Variants in CDK14 observed in about 807,000 individuals in gnomAD.
CDK14 encodes the protein cyclin-dependent kinase 14.
CDK14 carries 34 observed loss-of-function variants against 60.7 expected under a neutral mutation model. The ratio of observed to expected loss-of-function variants is 0.56; its 90% CI spans 0.43 to 0.75. The LOEUF (loss-of-function observed/expected upper bound fraction) is 0.75, where lower values mean the gene tolerates loss of function less well. Among genes scored for constraint, CDK14 ranks in the 30% least tolerant of loss-of-function variants. The pLI is 0.00. For synonymous variants in CDK14, 197 were observed against 203.7 expected (o/e 0.97, Z 0.28); for missense variants, 482 against 564.1 (o/e 0.85, Z 1.47).
chr7:91,131,695 C>T (rs1347847617), intron 14 of CDK14, among the ~76,000 whole-genome samples: 1 of 151,998 alleles, frequency 6.6e-6, no homozygotes, highest in Non-Finnish European at 1.5e-5. Flanking sequence ...CATCTGACAG[C>T]GTGTGGAATA....
intron 4 of CDK14, among the ~76,000 whole-genome samples, chr7:90,781,133 T>C (rs1805300072): frequency 6.6e-6 from 1 of 152,142 alleles, no homozygotes; most frequent in Non-Finnish European, 1.5e-5. Flanking sequence ...TGGTTTTGAT[T>C]TGTGGTTTTG....
intron 8 of CDK14, among the ~76,000 whole-genome samples, chr7:90,942,303 C>T (rs553386916): frequency 3.2e-4 from 49 of 152,260 alleles, no homozygotes; most frequent in African/African-American, 1.2e-3. Context: ...TGGGAAGTCT[C>T]ATCTTAGATC....
At chr7:90,811,717 A>C (rs1384250374) in intron 5 of CDK14, among the ~76,000 whole-genome samples, 4 of 152,010 alleles carry the variant, frequency 2.6e-5, no homozygotes, top group Non-Finnish European at 5.9e-5. Flanking sequence ...CAATCTACTC[A>C]TCTGACAAAG....
chr7:90,989,061 G>A (rs902878082), intron 10 of CDK14, among the ~76,000 whole-genome samples: 2 of 151,272 alleles, frequency 1.3e-5, no homozygotes, highest in Non-Finnish European at 2.9e-5. Context: ...AGCTACTATA[G>A]TACTCAGTCT....
chr7:90,715,657 CTTTT>C (rs34981055), intron 2 of CDK14, among the ~76,000 whole-genome samples: 15 of 124,964 alleles, frequency 1.2e-4, no homozygotes, highest in African/African-American at 3.2e-4. Flanking sequence ...AGGAATAGAC[CTTTT>C]TTTTTTTTTT....
intron 14 of CDK14, among the ~76,000 whole-genome samples, chr7:91,161,760 G>A (rs1433680221): frequency 6.6e-6 from 1 of 152,098 alleles, no homozygotes; most frequent in African/African-American, 2.4e-5. Context: ...AAAATAAATA[G>A]TTAAACTGAA....
chr7:90,932,204 T>C (rs1793614843), intron 8 of CDK14, among the ~76,000 whole-genome samples: 1 of 152,110 alleles, frequency 6.6e-6, no homozygotes. Flanking sequence ...GAAAAGTCAT[T>C]TCTGAAACTG....
At chr7:90,866,848 G>A (rs931879132) in intron 6 of CDK14, among the ~76,000 whole-genome samples, 1 of 152,082 alleles carries the variant, frequency 6.6e-6, no homozygotes, top group African/African-American at 2.4e-5. Flanking sequence ...GTGGTTTAGC[G>A]GCTAATAGGA....
intron 2 of CDK14, among the ~76,000 whole-genome samples, chr7:90,605,618 C>G (rs1799401603): frequency 6.6e-6 from 1 of 151,840 alleles, no homozygotes; most frequent in Non-Finnish European, 1.5e-5. Context: ...GAAAGTTTCC[C>G]CTCTAATTAT....
intron 7 of CDK14, among the ~76,000 whole-genome samples, chr7:90,910,082 T>C (rs1792842623): frequency 6.6e-6 from 1 of 152,210 alleles, no homozygotes; most frequent in Non-Finnish European, 1.5e-5. Flanking sequence ...ACCATCCCAG[T>C]AGCACACTTA....
chr7:90,941,626 T>A (rs576881685), intron 8 of CDK14, among the ~76,000 whole-genome samples: 136 of 146,324 alleles, frequency 9.3e-4, no homozygotes, highest in South Asian at 1.6e-3. Context: ...TTTTTTTTTT[T>A]AATTTTTTGT....
At chr7:90,869,948 G>C (rs1791311756) in intron 6 of CDK14, among the ~76,000 whole-genome samples, 1 of 152,208 alleles carries the variant, frequency 6.6e-6, no homozygotes, top group Non-Finnish European at 1.5e-5. Flanking sequence ...TCTTTGGACT[G>C]TTAGCTCGTA....
chr7:90,973,492 A>G (rs918994000), intron 9 of CDK14, among the ~76,000 whole-genome samples: 1 of 152,190 alleles, frequency 6.6e-6, no homozygotes, highest in South Asian at 2.1e-4. Context: ...CATTGCAACC[A>G]TATTTTAAAA....
At chr7:91,094,092 G>A (rs1255333190) in intron 12 of CDK14, among the ~76,000 whole-genome samples, 2 of 151,986 alleles carry the variant, frequency 1.3e-5, no homozygotes, top group African/African-American at 4.8e-5. Flanking sequence ...CCTGGGTAAT[G>A]GGATCATTCG....
chr7:90,814,754 C>T (rs1051815885), intron 5 of CDK14, among the ~76,000 whole-genome samples: 8 of 152,108 alleles, frequency 5.3e-5, no homozygotes, highest in African/African-American at 7.2e-5. Context: ...CCAGCCTGGG[C>T]GACAGAGCAA....
chr7:91,003,182 G>A (rs1240927891), intron 10 of CDK14, among the ~76,000 whole-genome samples: 1 of 152,182 alleles, frequency 6.6e-6, no homozygotes, highest in African/African-American at 2.4e-5. Context: ...GTGAATGGCA[G>A]TTTAAGAGTC....
At chr7:90,932,914 C>T (rs1269470138) in intron 8 of CDK14, among the ~76,000 whole-genome samples, 1 of 152,182 alleles carries the variant, frequency 6.6e-6, no homozygotes, top group African/African-American at 2.4e-5. Flanking sequence ...GAAGAATATT[C>T]CACAACAAAG....
chr7:91,157,060 GAA>G (rs1396641746), intron 14 of CDK14, among the ~76,000 whole-genome samples: 1 of 152,182 alleles, frequency 6.6e-6, no homozygotes, highest in South Asian at 2.1e-4. Flanking sequence ...GGGAAACGTG[GAA>G]AAAGAGTTGG....
intron 8 of CDK14, among the ~76,000 whole-genome samples, chr7:90,921,491 T>A (rs1042122276): frequency 3.9e-5 from 6 of 152,200 alleles, no homozygotes; most frequent in Non-Finnish European, 8.8e-5. Context: ...ACTGCTTGAT[T>A]GGAAGTTCCG....
Sources: allele counts gnomAD v4.1 joint callset (sites outside exome capture counted in the v4.1 genomes callset), GRCh38; gene constraint gnomAD v4.1.1; transcripts MANE v1.5; gene names NCBI Gene and HGNC (gene_info 2026-07-23, HGNC 2026-07-21).